The following SYNDIG1L variants were observed in gnomAD, a reference collection of about 807,000 sequenced individuals.
The protein encoded by SYNDIG1L is synapse differentiation-inducing gene protein 1-like.
In SYNDIG1L, 13 loss-of-function variants were observed where a neutral mutation model predicts 20.1. That is an observed-to-expected ratio of 0.65 (90% confidence interval 0.42 to 1.03). SYNDIG1L has a LOEUF of 1.03. Ranked by LOEUF, SYNDIG1L falls within the 50% of genes least tolerant of loss-of-function variation. SYNDIG1L has a pLI of 0.00. For synonymous variants in SYNDIG1L, 128 were observed against 129.3 expected, an observed-to-expected ratio of 0.99 and a Z score of 0.07; for missense variants, 294 against 305.1, an observed-to-expected ratio of 0.96 and a Z score of 0.27.
chr14:74,423,628 C>T (rs1034400080), intron 1 of SYNDIG1L, among the ~76,000 whole-genome samples: 7 of 152,062 alleles, frequency 4.6e-5, no homozygotes, highest in Admixed American at 6.6e-5. Flanking sequence ...TTCTGAGCAT[C>T]GGCTGGACCT....
chr14:74,468,635 G>A, the SYNDIG1L span, among the ~76,000 whole-genome samples: 2 of 152,196 alleles, frequency 1.3e-5, no homozygotes, highest in Non-Finnish European at 1.5e-5. Context: ...CCCCCTGCTT[G>A]GAAACCTGCT....
the SYNDIG1L span, among the ~76,000 whole-genome samples, chr14:74,460,671 C>T: frequency 9.9e-5 from 15 of 152,264 alleles, no homozygotes; most frequent in South Asian, 2.1e-4. Flanking sequence ...ACTCTTGCTT[C>T]GGCTCCCAGG....
At chr14:74,454,700 C>T in the SYNDIG1L span, among the ~76,000 whole-genome samples, 1 of 152,230 alleles carries the variant, frequency 6.6e-6, no homozygotes. Context: ...ACTCCTTGCC[C>T]TCTGCCTCAG....
In SYNDIG1L at chr14:74,409,546, A is replaced by G. The variant is rs762603459; in HGVS notation, c.199T>C (p.Trp67Arg). ...CCCAGGAGGCAGCTGGGCCGGTACC[A>G]GGCCTCCACGGCCAGCTGCAGGGAC... ...PGSLQLAVEA[W>R]YRPSCLLGRD... is the part of the protein sequence containing the mutation. The change falls in exon 2 of 4, where the codon TGG becomes CGG. Residue 67 changes from tryptophan (W) to arginine (R), a missense_variant. Trp to Arg is a moderately radical substitution (Grantham distance 101). Transcript: ENST00000331628. 1 of 1,555,782 alleles carries G rather than the reference A, an allele frequency of 6.4e-7. No individual in the cohort carries two copies. The highest frequency in any genetic ancestry group is 2.3e-5 in the East Asian group (1 of 43,326).
At chr14:74,447,664 T>TTTTACAACAATTGATAAATTG in the SYNDIG1L span, among the ~76,000 whole-genome samples, 2 of 152,066 alleles carry the variant, frequency 1.3e-5, no homozygotes, top group Admixed American at 6.6e-5. Context: ...TTTTAATACT[T>TTTTACAACAATTGATAAATTG]TTTACAACAA....
At chr14:74,440,602 G>A in the SYNDIG1L span, among the ~76,000 whole-genome samples, 2 of 151,136 alleles carry the variant, frequency 1.3e-5, no homozygotes, top group African/African-American at 4.9e-5. Flanking sequence ...GGAGAATGGC[G>A]TGAACCTGGG....
At chr14:74,479,496 T>C in the SYNDIG1L span, 1 of 152,740 alleles carries the variant, frequency 6.5e-6, no homozygotes, top group Non-Finnish European at 1.5e-5. Context: ...ACTTGTACTT[T>C]AAGATAGGAA....
At chr14:74,436,509 G>A in the SYNDIG1L span, among the ~76,000 whole-genome samples, 1 of 151,890 alleles carries the variant, frequency 6.6e-6, no homozygotes, top group East Asian at 2.0e-4. Context: ...AAAGTGCTAG[G>A]ATTACAGGTG....
the SYNDIG1L span, among the ~76,000 whole-genome samples, chr14:74,460,510 G>A: frequency 2.6e-5 from 4 of 152,120 alleles, no homozygotes; most frequent in Non-Finnish European, 5.9e-5. Flanking sequence ...CACGCACTTC[G>A]TGCTCTCCCC....
At chr14:74,426,336 CCGGGGCGGGG>C (rs1045828278), upstream of SYNDIG1L, among the ~76,000 whole-genome samples, 4 of 152,072 alleles carry the variant, frequency 2.6e-5, no homozygotes, top group Non-Finnish European at 5.9e-5. Flanking sequence ...GGACCCGGCT[CCGGGGCGGGG>C]CGGGGCGGGA....
chr14:74,414,284 C>T (rs2086157496), intron 1 of SYNDIG1L, among the ~76,000 whole-genome samples: 1 of 152,292 alleles, frequency 6.6e-6, no homozygotes, highest in Non-Finnish European at 1.5e-5. Flanking sequence ...GTACTCTGCT[C>T]CAGAGGAACT....
the SYNDIG1L span, among the ~76,000 whole-genome samples, chr14:74,436,343 C>G: frequency 5.3e-5 from 8 of 151,962 alleles, no homozygotes; most frequent in South Asian, 1.7e-3. Context: ...ATCCTCCTGC[C>G]TTAGCCTCCC....
At chr14:74,472,575 A>G in the SYNDIG1L span, among the ~76,000 whole-genome samples, 1 of 152,246 alleles carries the variant, frequency 6.6e-6, no homozygotes, top group African/African-American at 2.4e-5. Context: ...AAAGCCAGAC[A>G]TTGATCAAAT....
At chr14:74,461,040 G>A in the SYNDIG1L span, among the ~76,000 whole-genome samples, 1 of 152,000 alleles carries the variant, frequency 6.6e-6, no homozygotes, top group Non-Finnish European at 1.5e-5. Flanking sequence ...AGCTCAAAGG[G>A]AATTCAATTA....
chr14:74,419,620 C>G (rs1234754913), intron 1 of SYNDIG1L, among the ~76,000 whole-genome samples: 2 of 152,326 alleles, frequency 1.3e-5, no homozygotes, highest in South Asian at 4.1e-4. Context: ...AAAACACAGA[C>G]TAGCAAATAC....
chr14:74,411,002 C>A (rs564823786), intron 1 of SYNDIG1L, among the ~76,000 whole-genome samples: 1 of 151,914 alleles, frequency 6.6e-6, no homozygotes. Context: ...AGCCATAAAC[C>A]CCCCCAACAC....
rs991001180 is a variant in SYNDIG1L, at chr14:74,406,456, A to G, written c.*1079T>C. On this transcript the variant is annotated 3_prime_UTR_variant, in exon 4 of 4. Coordinates refer to ENST00000331628, the MANE Select transcript of SYNDIG1L (RefSeq NM_001105579.2). ...TGCCACATCCCTGCCTACAAATACA[A>G]AGAGTTATGTGACCAAATCCCTTAG... is the stretch of plus-strand genomic sequence containing the variant. 1 of 183,812 alleles carries G rather than the reference A, an allele frequency of 5.4e-6. No homozygotes were observed. The highest frequency in any genetic ancestry group is 1.1e-5 in the Non-Finnish European group (1 of 89,388). 11.4% of individuals were successfully genotyped at this position (183,812 alleles called of 1,614,324 possible). A position where few individuals can be genotyped will look rare whatever the true frequency, so the allele number is the denominator to read the frequency against.
At chr14:74,432,409 C>T in the SYNDIG1L span, among the ~76,000 whole-genome samples, 1 of 152,152 alleles carries the variant, frequency 6.6e-6, no homozygotes, top group Non-Finnish European at 1.5e-5. Flanking sequence ...CTCTGGCTCC[C>T]AAGCCTGTTA....
the SYNDIG1L span, among the ~76,000 whole-genome samples, chr14:74,445,554 A>T: frequency 6.6e-6 from 1 of 151,946 alleles, no homozygotes; most frequent in Non-Finnish European, 1.5e-5. Flanking sequence ...GGCTCACTGC[A>T]ACCTCTGCCT....
Sources: gnomAD v4.1 joint callset for allele counts (sites outside exome capture counted in the v4.1 genomes callset) on GRCh38, gnomAD v4.1.1 for gene constraint, MANE v1.5 for transcripts, NCBI Gene and HGNC (gene_info 2026-07-23, HGNC 2026-07-21) for gene names.